ZNF44: variants seen among roughly 807,000 people sequenced by gnomAD.
ZNF44 encodes the protein zinc finger protein 44.
ZNF44 carries 9 observed loss-of-function variants against 11.7 expected under a neutral mutation model. That is an observed-to-expected ratio of 0.77 (90% CI 0.46 to 1.35). The LOEUF is 1.35. Among genes scored for constraint, ZNF44 ranks in the 40% most tolerant of loss-of-function variants. The pLI, the probability that ZNF44 is intolerant of heterozygous loss-of-function variation, is 0.00. For missense variants in ZNF44, 696 were observed against 743.1 expected, an observed-to-expected ratio of 0.94 and a Z score of 0.74; for synonymous variants, 224 against 242.7, an observed-to-expected ratio of 0.92 and a Z score of 0.72.
chr19:12,232,807 A>G (rs1916219781), intron 2 of ZNF44, among the ~76,000 whole-genome samples: 1 of 152,174 alleles, frequency 6.6e-6, no homozygotes, highest in South Asian at 2.1e-4. Flanking sequence ...GCCAGCAATC[A>G]GTGCAGTTTA....
At chr19:12,263,924 CAAAA>C (rs796313617) in intron 5 of ZNF44, among the ~76,000 whole-genome samples, 2 of 105,364 alleles carry the variant, frequency 1.9e-5, no homozygotes. Flanking sequence ...GACTCCGTCT[CAAAA>C]AAAAAAAAAA....
chr19:12,279,921 T>TTGTGTG (rs60414721), intron 1 of ZNF44, among the ~76,000 whole-genome samples: 102 of 144,108 alleles, frequency 7.1e-4, no homozygotes, highest in South Asian at 5.9e-3. Flanking sequence ...GAAATTCAGA[T>TTGTGTG]TGTGTGTGTG....
At chr19:12,276,623 T>A (rs1202492506) in intron 1 of ZNF44, among the ~76,000 whole-genome samples, 1 of 152,202 alleles carries the variant, frequency 6.6e-6, no homozygotes, top group South Asian at 2.1e-4. Flanking sequence ...TGGAATTGTA[T>A]TACATCCTCA....
intron 2 of ZNF44, among the ~76,000 whole-genome samples, chr19:12,231,240 A>G (rs1276831067): frequency 1.3e-5 from 2 of 152,064 alleles, no homozygotes; most frequent in Non-Finnish European, 2.9e-5. Context: ...AAGTGGGGAC[A>G]TGGTTTGTGA....
At chr19:12,243,215 A>G (rs1006150839), downstream of ZNF44, among the ~76,000 whole-genome samples, 2 of 152,140 alleles carry the variant, frequency 1.3e-5, no homozygotes, top group African/African-American at 4.8e-5. Context: ...TGATGTATAT[A>G]TATACATTCT....
chr19:12,270,954 T>C (rs1201396173), downstream of ZNF44, among the ~76,000 whole-genome samples: 1 of 152,118 alleles, frequency 6.6e-6, no homozygotes, highest in African/African-American at 2.4e-5. Flanking sequence ...TCCCCAAGAC[T>C]GATACAGCAG....
exon 8 of ZNF44, chr19:12,247,995 T>C (rs1568426899): frequency 3.0e-6 from 4 of 1,343,284 alleles, no homozygotes; most frequent in Admixed American, 4.1e-5. Context: ...AGAGTTGTGA[T>C]ATACGAACAC....
At chr19:12,246,736 T>C (rs1021133311), downstream of ZNF44, among the ~76,000 whole-genome samples, 1 of 152,188 alleles carries the variant, frequency 6.6e-6, no homozygotes, top group East Asian at 1.9e-4. Context: ...TTTAAGAATG[T>C]GGCACTAAGC....
At chr19:12,284,259 G>C (rs1254623537) in intron 1 of ZNF44, 3 of 400,238 alleles carry the variant, frequency 7.5e-6, no homozygotes, top group African/African-American at 2.0e-5. Flanking sequence ...TAATCATATG[G>C]AGATAATACA....
chr19:12,239,219 TCTC>T (rs1916515501), upstream of ZNF44, among the ~76,000 whole-genome samples: 1 of 151,794 alleles, frequency 6.6e-6, no homozygotes, highest in African/African-American at 2.4e-5. Flanking sequence ...TTCAAGCAGT[TCTC>T]CTGCCTCAGC....
At position 12,272,166 on chromosome 19, in the gene ZNF44, T is replaced by C; in HGVS notation, c.*241A>G. 2.2e-6 allele frequency: 1 copy of C among 451,814 alleles called. No homozygotes were observed. The highest frequency in any genetic ancestry group is 3.4e-6 in the Non-Finnish European group (1 of 293,950). 28.0% of individuals were successfully genotyped at this position (451,814 alleles called of 1,614,324 possible). A position where few individuals can be genotyped will look rare whatever the true frequency, so the allele number is the denominator to read the frequency against. On this transcript the variant is annotated 3_prime_UTR_variant, in exon 4 of 4. Transcript: ENST00000355684. ...TGTGAGCAACTATGCCTGGCTATTT[T>C]TTTTTTTTTCCGTATTTTTAGTAGA...
downstream of ZNF44, among the ~76,000 whole-genome samples, chr19:12,269,485 G>A (rs1161369760): frequency 6.6e-6 from 1 of 152,068 alleles, no homozygotes; most frequent in Non-Finnish European, 1.5e-5. Flanking sequence ...TAGCACCATT[G>A]CACTCCAGCC....
chr19:12,278,114 T>C (rs1455112982), intron 1 of ZNF44, among the ~76,000 whole-genome samples: 1 of 152,028 alleles, frequency 6.6e-6, no homozygotes, highest in East Asian at 1.9e-4. Flanking sequence ...ATGCTGAAGG[T>C]TGTTGGTTTA....
At chr19:12,258,658 C>T (rs554553344) in intron 5 of ZNF44, among the ~76,000 whole-genome samples, 3 of 152,160 alleles carry the variant, frequency 2.0e-5, no homozygotes, top group South Asian at 2.1e-4. Context: ...GGCAAAACCT[C>T]GTCTCTACGA....
chr19:12,260,454 A>G, intron 5 of ZNF44: 1 of 1,390,278 alleles, frequency 7.2e-7, no homozygotes, highest in African/African-American at 1.4e-5. Flanking sequence ...CATGGCAGCC[A>G]TCCGCAGGGT....
Position 12,273,234 on chromosome 19 carries a change from T to G in ZNF44, c.1021A>C (p.Ile341Leu). The change falls in exon 4 of 4, where the codon ATA becomes CTA. Residue 341 changes from isoleucine to leucine, a missense_variant. By Grantham distance (5) the Ile-to-Leu change is conservative (BLOSUM62 2). Transcript: ENST00000355684. ...HSGDGPHKCK[I>L]CGKGFDFPGS... ...GGAAAATCAAAGCCTTTCCCACATA[T>G]CTTACATTTATGAGGTCCATCTCCA... 6.2e-7 allele frequency: 1 copy of G among 1,613,934 alleles called. No homozygotes were observed. Among genetic ancestry groups the G allele is most frequent in the Non-Finnish European group, 8.5e-7 (1 of 1,179,968 alleles).
chr19:12,250,269 C>T, exon 6 of ZNF44: 1 of 1,365,342 alleles, frequency 7.3e-7, no homozygotes, highest in Non-Finnish European at 9.8e-7. Context: ...CTGAAGGTTT[C>T]CCACATCACG....
chr19:12,291,595 T>C (rs924551199), intron 1 of ZNF44, among the ~76,000 whole-genome samples: 16 of 151,668 alleles, frequency 1.1e-4, no homozygotes, highest in Non-Finnish European at 1.5e-5. Context: ...CTACTTGGGA[T>C]GCTGAGGTGG....
At chr19:12,242,451 A>G, upstream of ZNF44, among the ~76,000 whole-genome samples, 1 of 150,882 alleles carries the variant, frequency 6.6e-6, no homozygotes, top group South Asian at 2.1e-4. Flanking sequence ...CGGAGCTTGC[A>G]GTGAGCCGAG....
Sources: gnomAD v4.1 joint callset for allele counts (sites outside exome capture counted in the v4.1 genomes callset) on GRCh38, gnomAD v4.1.1 for gene constraint, MANE v1.5 for transcripts, NCBI Gene and HGNC (gene_info 2026-07-23, HGNC 2026-07-21) for gene names.